PALLD: variants seen among roughly 807,000 people sequenced by gnomAD.
PALLD encodes palladin, cytoskeletal associated protein.
A neutral mutation model predicts 123.5 loss-of-function variants in PALLD; 61 were observed. The ratio of observed to expected loss-of-function variants is 0.49; its 90% CI spans 0.40 to 0.61. The LOEUF (loss-of-function observed/expected upper bound fraction) is 0.61. PALLD is among the 20% of genes least tolerant of loss of function. The probability of loss-of-function intolerance (pLI) is 0.00; values close to 1 mark genes in which losing one functional copy is unlikely to be tolerated. For synonymous variants in PALLD, 465 were observed against 496.4 expected (o/e 0.94, Z 0.84); for missense variants, 1,273 against 1,377.0 (o/e 0.92, Z 1.20).
rs964816815 is a variant in PALLD, at chr4:168,797,477, C to T, written c.1964+85554C>T. On this transcript the variant is annotated intron_variant, in intron 10 of 21. Coordinates refer to ENST00000505667, the MANE Select transcript of PALLD (RefSeq NM_001166108.2). Reference sequence around the variant, plus strand: ...GAGTTTATCAGATCACCCTCAATTACATCACTTTGGGATAATTTCATACCC... The same window carrying T: ...GAGTTTATCAGATCACCCTCAATTATATCACTTTGGGATAATTTCATACCC... Among the ~76,000 whole-genome samples the T allele has an allele frequency of 7.2e-5, 11 of 152,060 alleles. 1 individual carries two copies. In the South Asian group the frequency reaches 2.1e-3, roughly 29 times the overall value.
intron 2 of PALLD, among the ~76,000 whole-genome samples, chr4:168,653,396 T>C (rs1264290644): frequency 1.3e-5 from 2 of 152,216 alleles, no homozygotes; most frequent in African/African-American, 4.8e-5. Flanking sequence ...TCCACCTTTT[T>C]CTAGTACAGA....
intron 15 of PALLD, among the ~76,000 whole-genome samples, chr4:168,905,778 T>C (rs912955700): frequency 5.5e-5 from 8 of 146,278 alleles, no homozygotes; most frequent in Non-Finnish European, 1.5e-5. Flanking sequence ...AAAGCGGAAC[T>C]TGCTTTTTTT....
chr4:168,788,238 G>A (rs1737025482), intron 10 of PALLD, among the ~76,000 whole-genome samples: 1 of 26,640 alleles, frequency 3.8e-5, no homozygotes, highest in Non-Finnish European at 7.9e-5. Context: ...CTTTGAACTG[G>A]ATCTTTCCTT....
rs551982956 is a variant in PALLD, at chr4:168,566,005, G to C, written c.908+53593G>C. Among the ~76,000 whole-genome samples, 10 of 151,980 alleles carry C rather than the reference G, an allele frequency of 6.6e-5. No homozygotes were observed. The East Asian group carries it at 1.9e-3, about 29-fold the overall frequency. ...AAAATACTCTTAGAACTTTTGACCTGTCCTGTGACTGAATTCTGGATACTA... is the reference window on the plus strand; with the variant it reads ...AAAATACTCTTAGAACTTTTGACCTCTCCTGTGACTGAATTCTGGATACTA... On this transcript the variant is annotated intron_variant, in intron 2 of 21. Transcript: ENST00000505667.
chr4:168,587,051 A>G (rs1335235667), intron 2 of PALLD, among the ~76,000 whole-genome samples: 1 of 152,160 alleles, frequency 6.6e-6, no homozygotes, highest in Non-Finnish European at 1.5e-5. Flanking sequence ...AGAGGGGTGT[A>G]CTAGAGAGTA....
intron 10 of PALLD, among the ~76,000 whole-genome samples, chr4:168,712,961 C>G (rs1262056050): frequency 1.3e-5 from 2 of 152,186 alleles, no homozygotes; most frequent in Non-Finnish European, 2.9e-5. Flanking sequence ...CTTTGTACAT[C>G]ACTTTATTGT....
At chr4:168,551,627 T>C (rs1766734874) in intron 2 of PALLD, among the ~76,000 whole-genome samples, 1 of 152,020 alleles carries the variant, frequency 6.6e-6, no homozygotes. Context: ...CCCTTGACAA[T>C]AGTTTAGAAT....
chr4:168,567,952 T>A (rs987254402), intron 2 of PALLD, among the ~76,000 whole-genome samples: 6 of 152,142 alleles, frequency 3.9e-5, no homozygotes, highest in African/African-American at 9.6e-5. Flanking sequence ...TAAAGTTTTT[T>A]AAAAAAGAAG....
At chr4:168,922,311 T>C (rs927298476) in intron 18 of PALLD, among the ~76,000 whole-genome samples, 1 of 152,178 alleles carries the variant, frequency 6.6e-6, no homozygotes, top group Admixed American at 6.5e-5. Flanking sequence ...GGAAAGGTTT[T>C]TATACCATCC....
At chr4:168,804,449 A>G (rs1035951393) in intron 10 of PALLD, among the ~76,000 whole-genome samples, 3 of 152,212 alleles carry the variant, frequency 2.0e-5, no homozygotes, top group African/African-American at 7.2e-5. Flanking sequence ...TAGTTTAAAA[A>G]ACTTTGACAG....
chr4:168,734,996 G>A lies in PALLD; in HGVS notation c.1964+23073G>A, dbSNP rs7654104. ...CTAGTAGTAGTAGTGTAGTAAGGAT[G>A]GCAATGTTCTGAAATGTCTACTTTT... is the stretch of plus-strand genomic sequence containing the variant. On this transcript the variant is annotated intron_variant, in intron 10 of 21. Coordinates refer to ENST00000505667, the MANE Select transcript of PALLD (RefSeq NM_001166108.2). Among the ~76,000 whole-genome samples, 914 of 152,174 alleles carry A rather than the reference G, an allele frequency of 6.0e-3. 8 individuals carry two copies. Among genetic ancestry groups the A allele is most frequent in the African/African-American group, 0.021 (854 of 41,520 alleles).
At chr4:168,911,466 G>T (rs1758931155) in intron 15 of PALLD, among the ~76,000 whole-genome samples, 1 of 152,050 alleles carries the variant, frequency 6.6e-6, no homozygotes, top group African/African-American at 2.4e-5. Flanking sequence ...TCCCACATCA[G>T]GACAATTGGA....
chr4:168,742,720 T>C (rs376018019), intron 10 of PALLD, among the ~76,000 whole-genome samples: 31 of 152,328 alleles, frequency 2.0e-4, no homozygotes, highest in South Asian at 1.9e-3. Context: ...TCAACTGAAA[T>C]GATGGGTGTA....
At position 168,511,647 on chromosome 4, in the gene PALLD, G is replaced by A; in HGVS notation, c.143G>A (p.Arg48Lys). Reference sequence around the variant, plus strand: ...AACAAGAGTCTTGACCTGGCCCGGAGAGCCATAGCCGACTCCGAAACAGAA... The same window carrying A: ...AACAAGAGTCTTGACCTGGCCCGGAAAGCCATAGCCGACTCCGAAACAGAA... Reference protein sequence around the residue: ...EINKSLDLARRAIADSETEDF... With the variant: ...EINKSLDLARKAIADSETEDF... The change falls in exon 2 of 22, where the codon AGA becomes AAA. Residue 48 changes from arginine to lysine, a missense_variant. This residue lies in a region of PALLD where 944 missense variants were observed against 954.5 expected (regional missense o/e 0.99). Coordinates refer to ENST00000505667, the MANE Select transcript of PALLD (RefSeq NM_001166108.2). The A allele has an allele frequency of 5.0e-6, 8 of 1,614,182 alleles. No individual in the cohort carries two copies. The East Asian group carries it at 1.8e-4, about 36-fold the overall frequency.
chr4:168,917,871 C>G (rs140472062), intron 17 of PALLD, among the ~76,000 whole-genome samples: 125 of 152,092 alleles, frequency 8.2e-4, no homozygotes, highest in African/African-American at 2.8e-3. Flanking sequence ...ACCATATGAT[C>G]CAGTTAATTC....
At chr4:168,761,355 A>G (rs1441319240) in intron 10 of PALLD, among the ~76,000 whole-genome samples, 1 of 152,136 alleles carries the variant, frequency 6.6e-6, no homozygotes, top group Non-Finnish European at 1.5e-5. Context: ...GCTTATTAGC[A>G]TGTAAAACTC....
At chr4:168,784,497 A>C (rs1359907761) in intron 10 of PALLD, among the ~76,000 whole-genome samples, 2 of 152,226 alleles carry the variant, frequency 1.3e-5, no homozygotes. Flanking sequence ...ACTGGTGCCC[A>C]AGTGGAGACA....
chr4:168,631,990 A>G, intron 2 of PALLD: 1 of 781,366 alleles, frequency 1.3e-6, no homozygotes, highest in Non-Finnish European at 1.6e-6. Flanking sequence ...TCGTGCGAAG[A>G]GTACTGTTTG....
intron 10 of PALLD, among the ~76,000 whole-genome samples, chr4:168,726,372 C>T (rs1201287067): frequency 1.3e-5 from 2 of 152,158 alleles, no homozygotes; most frequent in Non-Finnish European, 1.5e-5. Context: ...TTTTGCATTA[C>T]AATAATGCAT....
Sources: gnomAD v4.1 joint callset for allele counts (sites outside exome capture counted in the v4.1 genomes callset) on GRCh38, gnomAD v4.1.1 for gene constraint, gnomAD v4.1.1 regional missense constraint, MANE v1.5 for transcripts, NCBI Gene and HGNC (gene_info 2026-07-23, HGNC 2026-07-21) for gene names.